Variants in EPS8 observed in about 807,000 individuals in gnomAD.
EPS8 encodes epidermal growth factor receptor kinase substrate 8.
EPS8 carries 42 observed loss-of-function variants against 103.8 expected under a neutral mutation model. The observed-to-expected ratio is 0.40, with a 90% CI of 0.32 to 0.52. The LOEUF (loss-of-function observed/expected upper bound fraction) is 0.52, where lower values mean the gene tolerates loss of function less well. EPS8 is among the 20% of genes least tolerant of loss of function. The probability of loss-of-function intolerance (pLI) is 0.40; values close to 1 mark genes in which losing one functional copy is unlikely to be tolerated. For missense variants in EPS8, 969 were observed against 1,005.1 expected, an observed-to-expected ratio of 0.96 and a Z score of 0.49; for synonymous variants, 344 against 344.6, an observed-to-expected ratio of 1.00 and a Z score of 0.02.
chr12:15,631,728 T>C (rs1324381471), intron 17 of EPS8, 64 bp from the exon 18 acceptor site: 6 of 1,295,802 alleles, frequency 4.6e-6, no homozygotes, highest in Admixed American at 2.4e-5. Flanking sequence ...GGAAAACAAA[T>C]TATACTTTGA....
intron 1 of EPS8, among the ~76,000 whole-genome samples, chr12:15,743,901 A>C (rs1946849624): frequency 6.6e-6 from 1 of 152,250 alleles, no homozygotes; most frequent in Non-Finnish European, 1.5e-5. Context: ...AAAAGCCAAA[A>C]TTGACAAATG....
rs372998812 is a variant in EPS8, at chr12:15,684,658, G to A, written c.-21-1686C>T. Reference sequence around the variant, plus strand: ...ATGTAGCTCTATTTTAAATCTGCTAGAAGTTCGGAGAGGGAAAAGGCCATG... The same window carrying A: ...ATGTAGCTCTATTTTAAATCTGCTAAAAGTTCGGAGAGGGAAAAGGCCATG... On this transcript the variant is annotated intron_variant, in intron 1 of 20. Coordinates refer to ENST00000281172, the MANE Select transcript of EPS8 (RefSeq NM_004447.6). The surrounding 1 kb of genome is among the most constrained non-coding windows in gnomAD (Gnocchi z 4.9). Among the ~76,000 whole-genome samples, 1 of 152,058 alleles carries A rather than the reference G, an allele frequency of 6.6e-6. No homozygotes were observed. Among genetic ancestry groups the A allele is most frequent in the East Asian group, 1.9e-4 (1 of 5,198 alleles).
chr12:15,662,146 T>A, intron 8 of EPS8, 47 bp from the exon 9 acceptor site: 1 of 1,570,376 alleles, frequency 6.4e-7, no homozygotes, highest in South Asian at 1.1e-5. Context: ...ACTCCCACAA[T>A]ACCAATACAG....
rs1453262507 is a variant in EPS8 at position 15,781,113 on chromosome 12, T to C, written c.-22+8048A>G. On this transcript the variant is annotated intron_variant, in intron 1 of 20. Transcript: ENST00000281172. The surrounding 1 kb of genome is among the most constrained non-coding windows in gnomAD (Gnocchi z 4.1). ...TTTATTTTGTCTAATTCCCCACAAATGTTTCTTTTTAAAAGATCCTCATTC... is the reference window on the plus strand; with the variant it reads ...TTTATTTTGTCTAATTCCCCACAAACGTTTCTTTTTAAAAGATCCTCATTC... Among the ~76,000 whole-genome samples the C allele has an allele frequency of 1.3e-5, 2 of 152,190 alleles. No homozygotes were observed. The highest frequency in any genetic ancestry group is 2.9e-5 in the Non-Finnish European group (2 of 68,026).
rs1233365131 is a variant in EPS8, at chr12:15,670,895, A to G, written c.165T>C (p.Ser55=). The G allele has an allele frequency of 6.2e-7, 1 of 1,612,554 alleles. No homozygotes were observed. Among genetic ancestry groups the G allele is most frequent in the Non-Finnish European group, 8.5e-7 (1 of 1,178,910 alleles). ...YEQRKNYARD[S]VSSVSDISQY... ...GAGATATATCTGACACACTGCTGAC[A>G]CTGTCCCGTGCATAATTCTTCCTTT... is the stretch of plus-strand genomic sequence containing the variant. Residue 55 remains serine (S), a synonymous_variant, in exon 4 of 21, where the codon AGT becomes AGC. Coordinates refer to ENST00000281172, the MANE Select transcript of EPS8 (RefSeq NM_004447.6).
intron 12 of EPS8, among the ~76,000 whole-genome samples, chr12:15,655,156 T>C (rs920706594): frequency 2.0e-5 from 3 of 152,124 alleles, no homozygotes; most frequent in Admixed American, 2.0e-4. Flanking sequence ...TATTTGTACA[T>C]GCTGTTCCCA....
At chr12:15,708,979 G>C (rs2135954146) in intron 1 of EPS8, among the ~76,000 whole-genome samples, 1 of 152,220 alleles carries the variant, frequency 6.6e-6, no homozygotes, top group South Asian at 2.1e-4. Flanking sequence ...TCCCTGCTGG[G>C]GACAGCCTGA....
In EPS8 at chr12:15,731,822, T is replaced by C. The variant is rs1162021036; in HGVS notation, c.-21-48850A>G. ...AACCCCTACAGCTTGTGCAGTCATA[T>C]TCTGAATGAAAAACAGAAGATAAAG... On this transcript the variant is annotated intron_variant, in intron 1 of 20. Coordinates refer to ENST00000281172, the MANE Select transcript of EPS8 (RefSeq NM_004447.6). The surrounding 1 kb of genome is among the most constrained non-coding windows in gnomAD (Gnocchi z 5.1). Among the ~76,000 whole-genome samples the C allele has an allele frequency of 6.6e-6, 1 of 152,194 alleles. No individual in the cohort carries two copies. The highest frequency in any genetic ancestry group is 3.2e-3 in the Middle Eastern group (1 of 316).
Position 15,727,859 on chromosome 12 carries a change from A to C in EPS8, c.-21-44887T>G, listed in dbSNP as rs139115550. Among the ~76,000 whole-genome samples the C allele has an allele frequency of 0.018, 2,715 of 151,972 alleles. 49 individuals carry two copies. The highest frequency in any genetic ancestry group is 0.039 in the African/African-American group (1,619 of 41,518). On this transcript the variant is annotated intron_variant, in intron 1 of 20. Coordinates refer to ENST00000281172, the MANE Select transcript of EPS8 (RefSeq NM_004447.6). This position sits in a 1 kb window ranked among gnomAD's most constrained non-coding sequence, Gnocchi z 4.3. ...GGCGACAGAGCGAGACTCCATCCCC[A>C]AAAAAAATAAAATAAAATAAATAAG...
intron 19 of EPS8, among the ~76,000 whole-genome samples, chr12:15,623,695 T>A (rs916828924): frequency 2.0e-5 from 3 of 152,214 alleles, no homozygotes; most frequent in Admixed American, 2.0e-4. Context: ...ATTCTAATAG[T>A]TCATTGTGCC....
chr12:15,673,297 T>C (rs1307796925), intron 3 of EPS8, among the ~76,000 whole-genome samples: 1 of 151,856 alleles, frequency 6.6e-6, no homozygotes, highest in African/African-American at 2.4e-5. Context: ...TAAAAATGTA[T>C]AAATGCCATA....
chr12:15,648,566 T>C (rs1041741085), intron 14 of EPS8, among the ~76,000 whole-genome samples: 13 of 152,146 alleles, frequency 8.5e-5, no homozygotes, highest in East Asian at 5.8e-4. Flanking sequence ...CTCAATTAAT[T>C]CAGTTTATCA....
chr12:15,623,537 T>C (rs796814698), intron 19 of EPS8, among the ~76,000 whole-genome samples: 60 of 152,332 alleles, frequency 3.9e-4, no homozygotes, highest in African/African-American at 1.3e-3. Flanking sequence ...AGGGTCATTG[T>C]TTAATACCAA....
rs1186696410 is a variant in EPS8 at position 15,725,704 on chromosome 12, T to A, written c.-21-42732A>T. Among the ~76,000 whole-genome samples, 1 of 152,110 alleles carries A rather than the reference T, an allele frequency of 6.6e-6. No individual in the cohort carries two copies. The highest frequency in any genetic ancestry group is 6.5e-5 in the Admixed American group (1 of 15,270). On this transcript the variant is annotated intron_variant, in intron 1 of 20. Coordinates refer to ENST00000281172, the MANE Select transcript of EPS8 (RefSeq NM_004447.6). The surrounding 1 kb of genome is among the most constrained non-coding windows in gnomAD (Gnocchi z 4.5). ...ATCTCATTAAAAGAATCCTGACTCATCATCATCAAATAACAGAGAAATGAA... is the reference window on the plus strand; with the variant it reads ...ATCTCATTAAAAGAATCCTGACTCAACATCATCAAATAACAGAGAAATGAA...
rs1268061643 is a variant in EPS8 at position 15,721,727 on chromosome 12, A to G, written c.-21-38755T>C. On this transcript the variant is annotated intron_variant, in intron 1 of 20. Coordinates refer to ENST00000281172, the MANE Select transcript of EPS8 (RefSeq NM_004447.6). The surrounding 1 kb of genome is among the most constrained non-coding windows in gnomAD (Gnocchi z 4.4). ...AAAAGTAATAAAAGCACACTTTACT[A>G]CAACAAATAGAAATAAGAAGTGCCT... Among the ~76,000 whole-genome samples, 1 of 152,184 alleles carries G rather than the reference A, an allele frequency of 6.6e-6. No homozygotes were observed. The highest frequency in any genetic ancestry group is 1.5e-5 in the Non-Finnish European group (1 of 68,034).
rs1363486159 is a variant in EPS8 at position 15,641,729 on chromosome 12, A to C, written c.1670T>G (p.Ile557Ser). 1.3e-6 allele frequency: 2 copies of C among 1,518,224 alleles called. No homozygotes were observed. Among genetic ancestry groups the C allele is most frequent in the Non-Finnish European group, 1.8e-6 (2 of 1,118,078 alleles). 94.0% of individuals were successfully genotyped at this position (1,518,224 alleles called of 1,614,324 possible). A position where few individuals can be genotyped will look rare whatever the true frequency, so the allele number is the denominator to read the frequency against. Residue 557 changes from isoleucine (I) to serine (S), a missense_variant, in exon 16 of 21, where the codon ATT becomes AGT. Ile to Ser is a moderately radical substitution (Grantham distance 142). Coordinates refer to ENST00000281172, the MANE Select transcript of EPS8 (RefSeq NM_004447.6). ...NSELSVLKDD[I>S]LEILDDRKQW... ...AAGAAAAAATTATATTACCTCTAAA[A>C]TATCATCCTTTAGAACCGAGAGCTC...
intron 3 of EPS8, among the ~76,000 whole-genome samples, chr12:15,673,287 T>TA (rs1945847481): frequency 6.6e-6 from 1 of 152,068 alleles, no homozygotes; most frequent in African/African-American, 2.4e-5. Context: ...TTAAAGATCC[T>TA]AAAAATGTAT....
In EPS8 at chr12:15,662,118, T is replaced by TG; in HGVS notation, c.737-20_737-19insC. The TG allele has an allele frequency of 6.2e-7, 1 of 1,607,132 alleles. No homozygotes were observed. The highest frequency in any genetic ancestry group is 1.3e-5 in the African/African-American group (1 of 74,854). On this transcript the variant is annotated intron_variant, in intron 8 of 20. Transcript: ENST00000281172. ...TTCTCAACTATAGAAAGGACAATCATAAGTCTTTCAATCTTTTACTCCCAC... is the reference window on the plus strand; with the variant it reads ...TTCTCAACTATAGAAAGGACAATCATGAAGTCTTTCAATCTTTTACTCCCAC...
In EPS8 at chr12:15,698,649, A is replaced by G. The variant is rs922705514; in HGVS notation, c.-21-15677T>C. On this transcript the variant is annotated intron_variant, in intron 1 of 20. Transcript: ENST00000281172. The surrounding 1 kb of genome is among the most constrained non-coding windows in gnomAD (Gnocchi z 4.9). ...CATTCAAACTATTTAGCTGGGGAAA[A>G]CATGATGACTTTCCCTGCCCTCCTA... is the stretch of plus-strand genomic sequence containing the variant. Among the ~76,000 whole-genome samples, 1 of 152,154 alleles carries G rather than the reference A, an allele frequency of 6.6e-6. No individual in the cohort carries two copies. The highest frequency in any genetic ancestry group is 1.5e-5 in the Non-Finnish European group (1 of 68,026).
Sources: gnomAD v4.1 joint callset for allele counts (sites outside exome capture counted in the v4.1 genomes callset) on GRCh38, gnomAD v4.1.1 for gene constraint, Gnocchi (gnomAD v3.1) non-coding constraint, MANE v1.5 for transcripts, NCBI Gene and HGNC (gene_info 2026-07-23, HGNC 2026-07-21) for gene names.